Variants in FLACC1 observed in about 807,000 individuals in gnomAD.
FLACC1 encodes the protein flagellum associated containing coiled-coil domains 1, also known as flagellum-associated coiled-coil domain-containing protein 1.
In FLACC1, 66 loss-of-function variants were observed where a neutral mutation model predicts 62.8. The ratio of observed to expected loss-of-function variants is 1.05; its 90% CI spans 0.86 to 1.29. The LOEUF (loss-of-function observed/expected upper bound fraction) is 1.29. Ranked by LOEUF, FLACC1 falls within the 50% of genes most tolerant of loss-of-function variation. The pLI is 0.00. For synonymous variants in FLACC1, 156 were observed against 161.0 expected (o/e 0.97, Z 0.24); for missense variants, 452 against 489.1 (o/e 0.92, Z 0.71).
chr2:201,361,553 A>G (rs778027065), upstream of FLACC1, among the ~76,000 whole-genome samples: 1 of 152,226 alleles, frequency 6.6e-6, no homozygotes, highest in Non-Finnish European at 1.5e-5. Context: ...ATTGTGCAAT[A>G]TGCATCCTGA....
intron 9 of FLACC1, among the ~76,000 whole-genome samples, chr2:201,321,270 C>A (rs1177869771): frequency 6.6e-6 from 1 of 152,160 alleles, no homozygotes; most frequent in East Asian, 1.9e-4. Flanking sequence ...GACAGCTAGA[C>A]CCAGAGACCC....
intron 9 of FLACC1, among the ~76,000 whole-genome samples, chr2:201,323,805 T>TAAAAAAAAAAAAAAACAAAAAAAAAAAAA (rs1576447085): frequency 1.3e-5 from 1 of 79,362 alleles, no homozygotes; most frequent in Non-Finnish European, 2.6e-5. Flanking sequence ...AAAAAAAAAG[T>TAAAAAAAAAAAAAAACAAAAAAAAAAAAA]AAGGAAGGAA....
intron 1 of FLACC1, among the ~76,000 whole-genome samples, chr2:201,352,381 CT>C (rs376040354): frequency 6.6e-6 from 1 of 152,296 alleles, no homozygotes; most frequent in East Asian, 1.9e-4. Context: ...TGAAAGAAAA[CT>C]ATCAGATAAA....
chr2:201,311,200 A>C (rs1950211240), intron 9 of FLACC1, among the ~76,000 whole-genome samples: 1 of 152,022 alleles, frequency 6.6e-6, no homozygotes, highest in African/African-American at 2.4e-5. Context: ...ATTCACAGCC[A>C]AATTCTACCA....
intron 9 of FLACC1, among the ~76,000 whole-genome samples, chr2:201,316,226 T>TCAAA (rs777531105): frequency 7.9e-4 from 119 of 151,490 alleles, no homozygotes; most frequent in Non-Finnish European, 1.4e-3. Flanking sequence ...CTGAATGAAA[T>TCAAA]CAAACAAACA....
At chr2:201,334,782 T>TAA (rs35205917) in intron 7 of FLACC1, among the ~76,000 whole-genome samples, 2 of 125,366 alleles carry the variant, frequency 1.6e-5, no homozygotes, top group Admixed American at 8.4e-5. Context: ...AAACTCTGCC[T>TAA]AAAAAAAAAA....
At chr2:201,344,413 T>G (rs1576471748) in intron 5 of FLACC1, 150 bp from the exon 6 acceptor site, 135 of 600,174 alleles carry the variant, frequency 2.2e-4, no homozygotes, top group East Asian at 5.3e-4. Context: ...GGGGTGGGGG[T>G]GGAGGGATAG....
chr2:201,362,000 A>T (rs1951189530), upstream of FLACC1, among the ~76,000 whole-genome samples: 1 of 152,212 alleles, frequency 6.6e-6, no homozygotes, highest in Admixed American at 6.5e-5. Context: ...GCACAGTAAC[A>T]TTTGCTCATT....
At chr2:201,298,199 C>A (rs754881169) in intron 12 of FLACC1, among the ~76,000 whole-genome samples, 3 of 152,152 alleles carry the variant, frequency 2.0e-5, no homozygotes, top group Non-Finnish European at 4.4e-5. Context: ...GTCAAGTACT[C>A]AGAGGGTATT....
In FLACC1 at chr2:201,346,534, A is replaced by G. The variant is rs1401060237; in HGVS notation, c.368+8T>C. On this transcript the variant is annotated splice_region_variant and intron_variant, in intron 5 of 14. Coordinates refer to ENST00000392257, the MANE Select transcript of FLACC1 (RefSeq NM_001127391.3). The surrounding 1 kb of genome is among the most constrained non-coding windows in gnomAD (Gnocchi z 4.0). ...CCAAGCAGCTGCATGTTGCTGCAAC[A>G]GCATTACCTGGAAAATCTGCCTTTG... The G allele has an allele frequency of 6.2e-7, 1 of 1,613,494 alleles. No homozygotes were observed. The highest frequency in any genetic ancestry group is 2.2e-5 in the East Asian group (1 of 44,874).
chr2:201,363,295 G>C, the FLACC1 span, among the ~76,000 whole-genome samples: 1 of 151,770 alleles, frequency 6.6e-6, no homozygotes, highest in Non-Finnish European at 1.5e-5. Context: ...GTGGTGCAAG[G>C]GTGCCCTCTC....
intron 11 of FLACC1, among the ~76,000 whole-genome samples, chr2:201,304,060 G>T (rs10199110): frequency 6.6e-6 from 1 of 152,026 alleles, no homozygotes; most frequent in Admixed American, 6.5e-5. Flanking sequence ...ATTCAACATA[G>T]TGTTGGAAGT....
intron 9 of FLACC1, among the ~76,000 whole-genome samples, chr2:201,322,875 A>G (rs1950431234): frequency 6.6e-6 from 1 of 152,164 alleles, no homozygotes; most frequent in South Asian, 2.1e-4. Context: ...TTTTCTAGAG[A>G]TATAGATATT....
chr2:201,340,752 T>C (rs1250175319), intron 7 of FLACC1, among the ~76,000 whole-genome samples: 1 of 152,264 alleles, frequency 6.6e-6, no homozygotes, highest in Non-Finnish European at 1.5e-5. Flanking sequence ...AGCAGCTTTC[T>C]GTTTCCGTTT....
intron 11 of FLACC1, among the ~76,000 whole-genome samples, chr2:201,302,606 AC>A (rs1950009059): frequency 6.6e-6 from 1 of 152,182 alleles, no homozygotes; most frequent in African/African-American, 2.4e-5. Context: ...AGAACTCTCC[AC>A]CCCAAATCAA....
chr2:201,323,296 C>A (rs911497927), intron 9 of FLACC1, among the ~76,000 whole-genome samples: 1 of 152,106 alleles, frequency 6.6e-6, no homozygotes, highest in Non-Finnish European at 1.5e-5. Flanking sequence ...AGTCATCAGG[C>A]TATCTAAACT....
At chr2:201,333,804 T>C (rs1424684060) in intron 7 of FLACC1, among the ~76,000 whole-genome samples, 1 of 152,132 alleles carries the variant, frequency 6.6e-6, no homozygotes, top group Non-Finnish European at 1.5e-5. Context: ...CAGTCTATCA[T>C]AGTTGGACAT....
chr2:201,332,327 C>A (rs1293049223), intron 7 of FLACC1, among the ~76,000 whole-genome samples: 1 of 152,022 alleles, frequency 6.6e-6, no homozygotes, highest in Non-Finnish European at 1.5e-5. Flanking sequence ...CGGCTCACTG[C>A]AACCTTCGCC....
intron 9 of FLACC1, among the ~76,000 whole-genome samples, chr2:201,311,915 C>T (rs1950224505): frequency 6.6e-6 from 1 of 152,026 alleles, no homozygotes; most frequent in Non-Finnish European, 1.5e-5. Flanking sequence ...ATTAGGTTAT[C>T]AAAGGAACTT....
Sources: gnomAD v4.1 joint callset for allele counts (sites outside exome capture counted in the v4.1 genomes callset) on GRCh38, gnomAD v4.1.1 for gene constraint, Gnocchi (gnomAD v3.1) non-coding constraint, MANE v1.5 for transcripts, NCBI Gene and HGNC (gene_info 2026-07-23, HGNC 2026-07-21) for gene names.